The following ADK variants were observed in gnomAD, a reference collection of about 807,000 sequenced individuals.
The protein encoded by ADK is N6,N6-dimethyladenosine kinase.
ADK carries 24 observed loss-of-function variants against 44.7 expected under a neutral mutation model. The ratio of observed to expected loss-of-function variants is 0.54; its 90% CI spans 0.39 to 0.76. The LOEUF is 0.76. Among genes scored for constraint, ADK ranks in the 30% least tolerant of loss-of-function variants. The pLI, the probability that ADK is intolerant of heterozygous loss-of-function variation, is 0.00. For synonymous variants in ADK, 128 were observed against 142.6 expected, an observed-to-expected ratio of 0.90 and a Z score of 0.73; for missense variants, 321 against 425.1, an observed-to-expected ratio of 0.76 and a Z score of 2.15.
At chr10:74,600,842 A>T (rs1375337151) in intron 9 of ADK, among the ~76,000 whole-genome samples, 1 of 152,046 alleles carries the variant, frequency 6.6e-6, no homozygotes, top group Non-Finnish European at 1.5e-5. Flanking sequence ...AATTATGAAC[A>T]AATAAAATCC....
chr10:74,502,886 GA>G (rs1324097359), intron 6 of ADK, among the ~76,000 whole-genome samples: 16 of 152,078 alleles, frequency 1.1e-4, no homozygotes, highest in South Asian at 6.2e-4. Context: ...AAAACTTTAG[GA>G]AATGTAATTA....
chr10:74,498,056 AT>A (rs1162176197), intron 6 of ADK, among the ~76,000 whole-genome samples: 1 of 151,812 alleles, frequency 6.6e-6, no homozygotes, highest in South Asian at 2.1e-4. Flanking sequence ...CGCCCGGCTA[AT>A]TTTTTGTATT....
intron 1 of ADK, chr10:74,176,918 G>T (rs772758184): frequency 6.2e-7 from 1 of 1,609,154 alleles, no homozygotes; most frequent in Non-Finnish European, 8.5e-7. Context: ...TGACTGCTCC[G>T]AGCTGGGCGT....
intron 9 of ADK, chr10:74,656,160 G>A (rs981589317): frequency 2.4e-5 from 7 of 291,736 alleles, no homozygotes; most frequent in African/African-American, 6.7e-5. Context: ...GGAGGATGGC[G>A]GCTGCTGTCT....
intron 6 of ADK, among the ~76,000 whole-genome samples, chr10:74,427,719 GTA>G (rs1246399984): frequency 4.0e-4 from 45 of 113,862 alleles, no homozygotes; most frequent in South Asian, 1.9e-3. Flanking sequence ...TTTTGTATAT[GTA>G]TATGTATGTG....
intron 4 of ADK, among the ~76,000 whole-genome samples, chr10:74,328,925 G>A (rs894902580): frequency 6.6e-6 from 1 of 151,720 alleles, no homozygotes; most frequent in African/African-American, 2.4e-5. Context: ...AGAGATCCAG[G>A]GTAGTCGTCT....
chr10:74,266,569 A>G (rs1846224273), intron 3 of ADK, among the ~76,000 whole-genome samples: 1 of 152,084 alleles, frequency 6.6e-6, no homozygotes, highest in Non-Finnish European at 1.5e-5. Flanking sequence ...AAAAAGAAAA[A>G]AAGAAGAAAA....
At chr10:74,220,335 C>T (rs1430416976) in intron 2 of ADK, among the ~76,000 whole-genome samples, 1 of 152,194 alleles carries the variant, frequency 6.6e-6, no homozygotes, top group Non-Finnish European at 1.5e-5. Context: ...AGTTGAATCT[C>T]TGAACAGACC....
At chr10:74,367,213 A>G (rs1050895656) in intron 4 of ADK, among the ~76,000 whole-genome samples, 3 of 152,216 alleles carry the variant, frequency 2.0e-5, no homozygotes, top group Non-Finnish European at 2.9e-5. Context: ...AGCAGTGACT[A>G]TTTTGTAAAT....
In ADK at chr10:74,525,399, T is replaced by C. The variant is rs1183454265; in HGVS notation, c.699T>C (p.Tyr233=). ...AATCATTGATGAAAGTTATGCCTTA[T>C]GTTGATATACTTTTTGGAAATGAGA... is the stretch of plus-strand genomic sequence containing the variant. ...YKESLMKVMP[Y]VDILFGNETE... is the part of the protein sequence containing the mutation. The change falls in exon 7 of 11, where the codon TAT becomes TAC. Residue 233 remains tyrosine, a synonymous_variant. Transcript: ENST00000539909. 2 of 1,613,346 alleles carry C rather than the reference T, an allele frequency of 1.2e-6. No homozygotes were observed. Among genetic ancestry groups the C allele is most frequent in the East Asian group, 2.2e-5 (1 of 44,784 alleles).
At chr10:74,312,105 G>T (rs1206154301) in intron 3 of ADK, among the ~76,000 whole-genome samples, 1 of 152,148 alleles carries the variant, frequency 6.6e-6, no homozygotes, top group Admixed American at 6.5e-5. Context: ...GTCAGAGGCT[G>T]CAGTGAGCCG....
intron 7 of ADK, among the ~76,000 whole-genome samples, chr10:74,564,153 T>C (rs1447748149): frequency 6.6e-6 from 1 of 151,950 alleles, no homozygotes. Context: ...GTTTGGTTTT[T>C]TGTTCTTGGG....
chr10:74,303,583 A>ATTTTTTTTTT (rs1840133518), intron 3 of ADK, among the ~76,000 whole-genome samples: 2 of 26,464 alleles, frequency 7.6e-5, no homozygotes, highest in African/African-American at 1.4e-4. Flanking sequence ...ATTGGTTTTA[A>ATTTTTTTTTT]TGTTGTTTTT....
intron 4 of ADK, among the ~76,000 whole-genome samples, chr10:74,323,518 C>A (rs925324311): frequency 6.6e-6 from 1 of 151,938 alleles, no homozygotes; most frequent in African/African-American, 2.4e-5. Context: ...GTTCACAGAT[C>A]TAGCTAGCTG....
chr10:74,623,435 C>T (rs1006961231), intron 9 of ADK, among the ~76,000 whole-genome samples: 9 of 151,996 alleles, frequency 5.9e-5, no homozygotes, highest in African/African-American at 1.7e-4. Context: ...TAAACTACAT[C>T]CAGAGGCCCT....
intron 10 of ADK, among the ~76,000 whole-genome samples, chr10:74,686,035 C>T (rs1200554158): frequency 6.6e-6 from 1 of 152,102 alleles, no homozygotes; most frequent in Admixed American, 6.5e-5. Context: ...AATCCCGACT[C>T]GCTGCAAGCT....
intron 1 of ADK, among the ~76,000 whole-genome samples, chr10:74,172,197 G>A (rs1220408172): frequency 2.0e-5 from 3 of 149,334 alleles, no homozygotes; most frequent in Admixed American, 6.7e-5. Flanking sequence ...AGATTGCAGC[G>A]GCGCAAACAC....
At chr10:74,235,996 C>A (rs1272752079) in intron 3 of ADK, among the ~76,000 whole-genome samples, 2 of 152,236 alleles carry the variant, frequency 1.3e-5, no homozygotes, top group African/African-American at 4.8e-5. Context: ...TACTCTAGGA[C>A]TTCCCAGCCT....
intron 4 of ADK, among the ~76,000 whole-genome samples, chr10:74,341,700 T>C (rs1305865480): frequency 1.3e-5 from 2 of 152,210 alleles, no homozygotes; most frequent in African/African-American, 2.4e-5. Flanking sequence ...TTTCATGTAC[T>C]TGCTTGTATA....
Sources: allele counts gnomAD v4.1 joint callset (sites outside exome capture counted in the v4.1 genomes callset), GRCh38; gene constraint gnomAD v4.1.1; transcripts MANE v1.5; gene names NCBI Gene and HGNC (gene_info 2026-07-23, HGNC 2026-07-21).